Variants in DPP6 observed in about 807,000 individuals in gnomAD.
The protein encoded by DPP6 is A-type potassium channel modulatory protein DPP6.
DPP6 carries 69 observed loss-of-function variants against 122.6 expected under a neutral mutation model. That is an observed-to-expected ratio of 0.56 (90% CI 0.46 to 0.69). The LOEUF (loss-of-function observed/expected upper bound fraction) is 0.69, where lower values mean the gene tolerates loss of function less well. Among genes scored for constraint, DPP6 ranks in the 30% least tolerant of loss-of-function variants. The pLI, the probability that DPP6 is intolerant of heterozygous loss-of-function variation, is 0.00. For missense variants in DPP6, 928 were observed against 1,116.9 expected (o/e 0.83, Z 2.41); for synonymous variants, 418 against 433.1 (o/e 0.97, Z 0.43).
chr7:154,466,451 C>A (rs901402479), intron 2 of DPP6, among the ~76,000 whole-genome samples: 2 of 152,210 alleles, frequency 1.3e-5, no homozygotes, highest in Non-Finnish European at 2.9e-5. Flanking sequence ...GGTGAAGTCT[C>A]CCTTCCTGGC....
At chr7:154,508,430 G>A (rs905721123) in intron 3 of DPP6, among the ~76,000 whole-genome samples, 4 of 152,138 alleles carry the variant, frequency 2.6e-5, no homozygotes, top group East Asian at 1.9e-4. Context: ...CGGATACTCT[G>A]TATCTTGATG....
chr7:154,597,737 G>C (rs965249402), intron 5 of DPP6, among the ~76,000 whole-genome samples: 2 of 152,218 alleles, frequency 1.3e-5, no homozygotes, highest in African/African-American at 4.8e-5. Flanking sequence ...CAGAGATCGA[G>C]GTGTCTGCAG....
At chr7:154,522,122 C>T (rs563873488) in intron 3 of DPP6, among the ~76,000 whole-genome samples, 125 of 152,232 alleles carry the variant, frequency 8.2e-4, no homozygotes, top group Non-Finnish European at 1.6e-3. Flanking sequence ...TGCCACCACG[C>T]CCGGCTAATT....
chr7:154,420,771 A>G (rs1817406527), intron 1 of DPP6, among the ~76,000 whole-genome samples: 1 of 152,188 alleles, frequency 6.6e-6, no homozygotes, highest in Non-Finnish European at 1.5e-5. Context: ...TCATTCCACA[A>G]TGTATACATC....
intron 1 of DPP6, among the ~76,000 whole-genome samples, chr7:154,125,622 T>C (rs1437008847): frequency 6.6e-6 from 1 of 152,158 alleles, no homozygotes; most frequent in Non-Finnish European, 1.5e-5. Context: ...ATTTTATCAG[T>C]GCACAAAAAT....
intron 5 of DPP6, among the ~76,000 whole-genome samples, chr7:154,576,364 C>T (rs1831672063): frequency 1.3e-5 from 2 of 152,138 alleles, no homozygotes; most frequent in South Asian, 4.1e-4. Context: ...GATGACCTTT[C>T]TGTGTAACTC....
intron 1 of DPP6, among the ~76,000 whole-genome samples, chr7:154,022,585 C>T (rs1261357821): frequency 6.6e-6 from 1 of 152,090 alleles, no homozygotes; most frequent in African/African-American, 2.4e-5. Context: ...ATGGATGCTC[C>T]CCCCTGAAAT....
At chr7:154,117,776 A>G (rs1451990428) in intron 1 of DPP6, among the ~76,000 whole-genome samples, 1 of 151,392 alleles carries the variant, frequency 6.6e-6, no homozygotes, top group Non-Finnish European at 1.5e-5. Context: ...GCTGGATAGG[A>G]TGTAGGAGAT....
At chr7:154,332,342 GAT>G (rs1809022500) in intron 1 of DPP6, among the ~76,000 whole-genome samples, 1 of 152,238 alleles carries the variant, frequency 6.6e-6, no homozygotes, top group Non-Finnish European at 1.5e-5. Flanking sequence ...AAAGTGCTGG[GAT>G]TACAAGCGTG....
chr7:154,490,995 G>A (rs1824231040), intron 3 of DPP6, among the ~76,000 whole-genome samples: 1 of 152,174 alleles, frequency 6.6e-6, no homozygotes, highest in African/African-American at 2.4e-5. Flanking sequence ...ACACGCACGT[G>A]CGATATACAA....
At chr7:153,964,960 C>CA (rs1795600845) in intron 1 of DPP6, among the ~76,000 whole-genome samples, 1 of 109,098 alleles carries the variant, frequency 9.2e-6, no homozygotes, top group African/African-American at 3.9e-5. Context: ...TTCTCTCTTT[C>CA]TTTCTTTCAT....
At chr7:154,056,673 C>T (rs1800841972) in intron 1 of DPP6, among the ~76,000 whole-genome samples, 1 of 152,146 alleles carries the variant, frequency 6.6e-6, no homozygotes, top group Admixed American at 6.5e-5. Flanking sequence ...AATCACCACC[C>T]ATGATGTCCA....
chr7:154,227,221 C>CACACACACACACACACACAA (rs1194151332), intron 1 of DPP6, among the ~76,000 whole-genome samples: 2 of 151,766 alleles, frequency 1.3e-5, no homozygotes, highest in African/African-American at 4.8e-5. Flanking sequence ...GAGGGACACA[C>CACACACACACACACACACAA]ACACACACAC....
In DPP6 at chr7:154,546,596, A is replaced by G. The variant is rs190065746; in HGVS notation, c.552+5970A>G. ...TTTGTTTTAATTGCTTATTTTAATG[A>G]CTAAATTAACATCTAAATGAAATGT... On this transcript the variant is annotated intron_variant, in intron 4 of 25. Transcript: ENST00000377770. Among the ~76,000 whole-genome samples the G allele has an allele frequency of 3.3e-5, 5 of 152,144 alleles. No individual in the cohort carries two copies. The East Asian group carries it at 7.7e-4, about 24-fold the overall frequency.
intron 3 of DPP6, among the ~76,000 whole-genome samples, chr7:154,513,085 C>T (rs761229625): frequency 6.6e-6 from 1 of 152,090 alleles, no homozygotes; most frequent in African/African-American, 2.4e-5. Flanking sequence ...TACACTAGTT[C>T]TTTCATTATT....
At chr7:153,790,627 G>T in the DPP6 span, among the ~76,000 whole-genome samples, 7 of 152,272 alleles carry the variant, frequency 4.6e-5, no homozygotes, top group African/African-American at 1.7e-4. Flanking sequence ...CGTTGATACT[G>T]ACATTAGTCC....
At chr7:154,757,720 T>C (rs1454597820) in intron 8 of DPP6, among the ~76,000 whole-genome samples, 4 of 152,174 alleles carry the variant, frequency 2.6e-5, no homozygotes, top group Non-Finnish European at 5.9e-5. Flanking sequence ...ATAGTCGTGG[T>C]GAGCGCAGGC....
intron 1 of DPP6, among the ~76,000 whole-genome samples, chr7:153,913,352 C>T (rs567404059): frequency 5.9e-5 from 9 of 152,278 alleles, no homozygotes; most frequent in East Asian, 1.9e-4. Context: ...GGATTACAGG[C>T]GTGAGCCACT....
At chr7:154,747,256 T>C (rs1409046635) in intron 8 of DPP6, among the ~76,000 whole-genome samples, 1 of 152,256 alleles carries the variant, frequency 6.6e-6, no homozygotes, top group Non-Finnish European at 1.5e-5. Flanking sequence ...TGCATTCCAA[T>C]GCTGTCTGCC....
Sources: gnomAD v4.1 joint callset for allele counts (sites outside exome capture counted in the v4.1 genomes callset) on GRCh38, gnomAD v4.1.1 for gene constraint, MANE v1.5 for transcripts, NCBI Gene and HGNC (gene_info 2026-07-23, HGNC 2026-07-21) for gene names.